The following C3orf49 variants were observed in gnomAD, a reference collection of about 807,000 sequenced individuals.
C3orf49 encodes chromosome 3 open reading frame 49.
Under a neutral mutation model 13.3 loss-of-function variants are expected in C3orf49, and 27 were observed. That is an observed-to-expected ratio of 2.02 (90% CI 1.49 to 2.79). The LOEUF is 2.79. Among genes scored for constraint, C3orf49 ranks in the 30% most tolerant of loss-of-function variants. C3orf49 has a pLI of 0.00. For synonymous variants in C3orf49, 87 were observed against 47.6 expected (o/e 1.83, Z -3.40); for missense variants, 242 against 134.2 (o/e 1.80, Z -3.97).
At chr3:63,822,302 G>T (rs1408262646) in intron 1 of C3orf49, among the ~76,000 whole-genome samples, 1 of 152,154 alleles carries the variant, frequency 6.6e-6, no homozygotes, top group Non-Finnish European at 1.5e-5. Context: ...ACAATTGCAT[G>T]TGAAACTATA....
At chr3:63,809,687 G>A in the C3orf49 span, among the ~76,000 whole-genome samples, 3 of 152,144 alleles carry the variant, frequency 2.0e-5, no homozygotes, top group Non-Finnish European at 2.9e-5. Flanking sequence ...ACACAGGCCT[G>A]TCTGTTCTTT....
At chr3:63,818,512 A>T (rs1701349053), upstream of C3orf49, among the ~76,000 whole-genome samples, 1 of 152,164 alleles carries the variant, frequency 6.6e-6, no homozygotes, top group South Asian at 2.1e-4. Context: ...ACTGTATCGA[A>T]ATCTGCATCT....
At position 63,827,590 on chromosome 3, in the gene C3orf49, C is replaced by G; in HGVS notation, c.446-11C>G. 1 of 697,624 alleles carries G rather than the reference C, an allele frequency of 1.4e-6. No homozygotes were observed. 43.2% of individuals were successfully genotyped at this position (697,624 alleles called of 1,614,324 possible). A position where few individuals can be genotyped will look rare whatever the true frequency, so the allele number is the denominator to read the frequency against. On this transcript the variant is annotated splice_polypyrimidine_tract_variant and intron_variant, in intron 2 of 6. Coordinates refer to ENST00000295896, the MANE Select transcript of C3orf49 (RefSeq NM_001355236.2). ...GATCCTTACAGATTCCTTTTTCCCCCTTTCTTGAAGCGACTATACAACTTG... is the reference window on the plus strand; with the variant it reads ...GATCCTTACAGATTCCTTTTTCCCCGTTTCTTGAAGCGACTATACAACTTG...
chr3:63,801,438 A>G, the C3orf49 span, among the ~76,000 whole-genome samples: 1 of 152,218 alleles, frequency 6.6e-6, no homozygotes, highest in Non-Finnish European at 1.5e-5. Context: ...GTCCTTGGTG[A>G]AGCTTCTAGC....
At chr3:63,815,872 G>A (rs1701318734), upstream of C3orf49, among the ~76,000 whole-genome samples, 2 of 150,474 alleles carry the variant, frequency 1.3e-5, no homozygotes, top group Non-Finnish European at 1.5e-5. Flanking sequence ...GTTCAAGCGA[G>A]GAGGCGTGAA....
the C3orf49 span, among the ~76,000 whole-genome samples, chr3:63,783,525 T>TAC: frequency 0.15 from 20,223 of 131,726 alleles, 1,534 homozygotes; most frequent in Middle Eastern, 0.19. Context: ...TACTAAAAAT[T>TAC]ACACACACAC....
intron 5 of C3orf49, chr3:63,837,868 A>T: frequency 2.2e-6 from 2 of 908,950 alleles, no homozygotes; most frequent in Middle Eastern, 2.3e-4. Context: ...GATTTTTTTT[A>T]ATCCAGGTTG....
At chr3:63,824,871 A>G (rs1315533064) in intron 2 of C3orf49, among the ~76,000 whole-genome samples, 6 of 150,946 alleles carry the variant, frequency 4.0e-5, no homozygotes, top group African/African-American at 1.5e-4. Flanking sequence ...GAAAAAGTCT[A>G]TTTTTATAGC....
upstream of C3orf49, among the ~76,000 whole-genome samples, chr3:63,816,267 C>A (rs79893771): frequency 0.022 from 3,304 of 151,886 alleles, 119 homozygotes; most frequent in African/African-American, 0.074. Context: ...TCATTTTCTT[C>A]ACAACTGAAT....
At chr3:63,815,771 C>CT (rs1227837780), upstream of C3orf49, among the ~76,000 whole-genome samples, 1,711 of 136,482 alleles carry the variant, frequency 0.013, 28 homozygotes, top group African/African-American at 0.025. Flanking sequence ...TCTTTTCTTT[C>CT]TTTTTTTTTT....
intron 5 of C3orf49, chr3:63,836,153 A>G (rs1442945295): frequency 1.5e-6 from 1 of 655,478 alleles, no homozygotes; most frequent in Non-Finnish European, 2.4e-6. Flanking sequence ...AATAAAATCT[A>G]ACAGAGAAGT....
intron 5 of C3orf49, chr3:63,838,257 C>T: frequency 1.1e-6 from 1 of 919,126 alleles, no homozygotes; most frequent in Non-Finnish European, 1.6e-6. Flanking sequence ...GTATTCTTTC[C>T]ATTAATACAG....
intron 5 of C3orf49, chr3:63,832,756 C>A (rs902420897): frequency 6.6e-6 from 1 of 152,116 alleles, no homozygotes; most frequent in Non-Finnish European, 1.5e-5. Context: ...AAAATAAAAA[C>A]GATTGTCACA....
chr3:63,846,978 G>A (rs1701911226), intron 6 of C3orf49, among the ~76,000 whole-genome samples: 1 of 152,148 alleles, frequency 6.6e-6, no homozygotes, highest in Admixed American at 6.5e-5. Context: ...GTCCTAGGGT[G>A]CTTCCCCAAA....
At chr3:63,783,705 G>A in the C3orf49 span, among the ~76,000 whole-genome samples, 3 of 150,876 alleles carry the variant, frequency 2.0e-5, no homozygotes, top group African/African-American at 4.9e-5. Flanking sequence ...GCAACACAGC[G>A]AGACTCCATC....
At chr3:63,841,541 T>C (rs1701760895) in intron 5 of C3orf49, among the ~76,000 whole-genome samples, 1 of 152,196 alleles carries the variant, frequency 6.6e-6, no homozygotes, top group East Asian at 1.9e-4. Flanking sequence ...AGATAAACTT[T>C]GGAAGGCAGA....
At chr3:63,816,634 G>A (rs1701327116), upstream of C3orf49, among the ~76,000 whole-genome samples, 1 of 151,542 alleles carries the variant, frequency 6.6e-6, no homozygotes, top group African/African-American at 2.4e-5. Context: ...ACTCCCCATT[G>A]CTCTGAAGAT....
At chr3:63,844,255 G>C (rs779225068) in intron 5 of C3orf49, among the ~76,000 whole-genome samples, 2 of 152,180 alleles carry the variant, frequency 1.3e-5, no homozygotes, top group African/African-American at 4.8e-5. Context: ...CTTACAGTTA[G>C]GCAAGAGCAA....
chr3:63,811,897 T>A, the C3orf49 span, among the ~76,000 whole-genome samples: 1 of 148,372 alleles, frequency 6.7e-6, no homozygotes, highest in African/African-American at 2.5e-5. Context: ...ACAGAACCAA[T>A]AGAAAAAATA....
Sources: allele counts gnomAD v4.1 joint callset (sites outside exome capture counted in the v4.1 genomes callset), GRCh38; gene constraint gnomAD v4.1.1; transcripts MANE v1.5; gene names NCBI Gene and HGNC (gene_info 2026-07-23, HGNC 2026-07-21).